Variants in TCOF1 observed in about 807,000 individuals in gnomAD.
TCOF1 encodes the protein treacle protein.
TCOF1 carries 33 observed loss-of-function variants against 149.0 expected under a neutral mutation model. The ratio of observed to expected loss-of-function variants is 0.22; its 90% CI spans 0.17 to 0.30. The LOEUF (loss-of-function observed/expected upper bound fraction) is 0.30. TCOF1 is among the 10% of genes least tolerant of loss of function. The pLI is 1.00. For missense variants in TCOF1, 1,728 were observed against 1,840.7 expected, an observed-to-expected ratio of 0.94 and a Z score of 1.12; for synonymous variants, 789 against 738.8, an observed-to-expected ratio of 1.07 and a Z score of -1.10.
intron 17 of TCOF1, 76 bp downstream of exon 17, chr5:150,379,808 AC>A: frequency 5.2e-6 from 8 of 1,544,298 alleles, no homozygotes; most frequent in Non-Finnish European, 7.0e-6. Context: ...GTGGTGGCTC[AC>A]ACCTGTAATC....
chr5:150,398,876 T>A, intron 25 of TCOF1, 146 bp from the exon 26 acceptor site: 1 of 1,133,104 alleles, frequency 8.8e-7, no homozygotes, highest in Non-Finnish European at 1.3e-6. Context: ...TTAGGAGAGC[T>A]GAACATCTGT....
intron 1 of TCOF1, among the ~76,000 whole-genome samples, chr5:150,359,986 C>T (rs1017319059): frequency 3.3e-5 from 5 of 152,070 alleles, no homozygotes; most frequent in African/African-American, 1.2e-4. Flanking sequence ...ACATTCCAGA[C>T]AAGAAGAATA....
intron 17 of TCOF1, among the ~76,000 whole-genome samples, chr5:150,385,381 G>C (rs1341329620): frequency 2.0e-5 from 3 of 152,210 alleles, no homozygotes; most frequent in Non-Finnish European, 4.4e-5. Flanking sequence ...CAGTTTGCTG[G>C]TTGCCCTGGG....
rs113341923 is a variant in TCOF1, at chr5:150,368,537, T to G, written c.379-179T>G. On this transcript the variant is annotated intron_variant, in intron 4 of 26. Coordinates refer to ENST00000643257, the MANE Select transcript of TCOF1 (RefSeq NM_001371623.1). ...ACTGGGATTCTGTTTTCTCAACACCTCTGGTGAGAGGAGGTGCTGTTTTTA... is the reference window on the plus strand; with the variant it reads ...ACTGGGATTCTGTTTTCTCAACACCGCTGGTGAGAGGAGGTGCTGTTTTTA... 1,175 of 667,496 alleles carry G rather than the reference T, an allele frequency of 1.8e-3. 9 individuals carry two copies. The highest frequency in any genetic ancestry group is 0.014 in the African/African-American group (767 of 55,698). The allele number at this position is 667,496 out of a possible 1,614,324, so 41.3% of individuals were successfully genotyped here.
chr5:150,364,470 G>C (rs1488884728), intron 3 of TCOF1, among the ~76,000 whole-genome samples: 1 of 152,212 alleles, frequency 6.6e-6, no homozygotes, highest in African/African-American at 2.4e-5. Flanking sequence ...AAAACAACCA[G>C]ATGGGCCCTT....
chr5:150,362,219 C>A (rs1760273460), intron 2 of TCOF1, among the ~76,000 whole-genome samples: 1 of 152,144 alleles, frequency 6.6e-6, no homozygotes, highest in South Asian at 2.1e-4. Flanking sequence ...GTGTGAGATG[C>A]CTTTTAAACA....
intron 2 of TCOF1, among the ~76,000 whole-genome samples, chr5:150,363,444 G>A (rs1760629254): frequency 6.6e-6 from 1 of 152,200 alleles, no homozygotes. Context: ...AGCCATCTGG[G>A]TGCTTATCCT....
Position 150,396,853 on chromosome 5 carries a change from G to C in TCOF1, c.4345+11G>C, listed in dbSNP as rs370407398. 2.7e-5 allele frequency: 43 copies of C among 1,581,098 alleles called. 1 individual carries two copies. The South Asian group carries it at 4.3e-4, about 16-fold the overall frequency. On this transcript the variant is annotated intron_variant, in intron 24 of 26. Coordinates refer to ENST00000643257, the MANE Select transcript of TCOF1 (RefSeq NM_001371623.1). ...AGAAATCCGACAAGAGTGAGTGACC[G>C]CTTCTCCCAGCCCACCCCAAGGGCT...
intron 17 of TCOF1, among the ~76,000 whole-genome samples, chr5:150,381,184 G>A (rs932053482): frequency 6.6e-6 from 1 of 152,144 alleles, no homozygotes; most frequent in African/African-American, 2.4e-5. Flanking sequence ...ATTTCTTAAG[G>A]GAAGCTGGAA....
rs1184014183 is a variant in TCOF1 at position 150,392,155 on chromosome 5, G to C, written c.3496G>C (p.Ala1166Pro). ...GGAAGATGGTGAAGGGCCCCAGGGG[G>C]CCAAGTCAGCCCACACGCTGGGTGA... ...SEEDGEGPQG[A>P]KSAHTLVGPT... Residue 1166 changes from alanine to proline, a missense_variant, in exon 21 of 27, where the codon GCC (alanine) becomes CCC (proline). Physicochemically the swap from Ala to Pro is conservative, Grantham distance 27. Coordinates refer to ENST00000643257, the MANE Select transcript of TCOF1 (RefSeq NM_001371623.1). 6.2e-7 allele frequency: 1 copy of C among 1,614,142 alleles called. No homozygotes were observed. Among genetic ancestry groups the C allele is most frequent in the Admixed American group, 1.7e-5 (1 of 60,034 alleles).
chr5:150,374,014 C>T (rs1423152373), intron 7 of TCOF1, among the ~76,000 whole-genome samples, 160 bp from the exon 8 acceptor site: 1 of 152,058 alleles, frequency 6.6e-6, no homozygotes, highest in Non-Finnish European at 1.5e-5. Flanking sequence ...TTTGAGAAAC[C>T]AGGAGGCCAG....
At chr5:150,369,023 G>A (rs528476444) in intron 5 of TCOF1, 121 bp downstream of exon 5, 1 of 1,305,030 alleles carries the variant, frequency 7.7e-7, no homozygotes, top group Admixed American at 1.9e-5. Context: ...AGGACAGCCA[G>A]GTTCCTGCAT....
At chr5:150,383,725 G>C in intron 17 of TCOF1, 2 of 1,551,758 alleles carry the variant, frequency 1.3e-6, no homozygotes, top group Non-Finnish European at 1.7e-6. Flanking sequence ...GTATCTCTCT[G>C]TTTTCTGTTT....
At chr5:150,368,020 C>T (rs1381173794) in intron 4 of TCOF1, 103 bp downstream of exon 4, 1 of 1,285,682 alleles carries the variant, frequency 7.8e-7, no homozygotes, top group African/African-American at 1.5e-5. Context: ...GTAATTGCCC[C>T]ACCTGGATTC....
chr5:150,368,075 C>A, intron 4 of TCOF1, 158 bp downstream of exon 4: 1 of 703,792 alleles, frequency 1.4e-6, no homozygotes. Context: ...AGTCCCTTCA[C>A]CTCTCTGGGC....
At chr5:150,393,170 T>C (rs1767781404) in intron 22 of TCOF1, 1 of 633,236 alleles carries the variant, frequency 1.6e-6, no homozygotes, top group East Asian at 2.8e-5. Flanking sequence ...GTCTAGAAAG[T>C]GTATTAATTA....
intron 23 of TCOF1, 69 bp downstream of exon 23, chr5:150,393,621 C>G (rs1399699114): frequency 1.3e-6 from 2 of 1,596,012 alleles, no homozygotes; most frequent in African/African-American, 1.3e-5. Context: ...CCTTCTTGCC[C>G]TCCTGTAGCA....
In TCOF1 at chr5:150,372,137, G is replaced by A; in HGVS notation, c.771G>A (p.Leu257=). 1 of 1,614,214 alleles carries A rather than the reference G, an allele frequency of 6.2e-7. No homozygotes were observed. Among genetic ancestry groups the A allele is most frequent in the East Asian group, 2.2e-5 (1 of 44,876 alleles). The change falls in exon 7 of 27, where the codon CTG becomes CTA. Residue 257 remains leucine (L), a synonymous_variant. Coordinates refer to ENST00000643257, the MANE Select transcript of TCOF1 (RefSeq NM_001371623.1). ...CACCCCAGGTCAAAGGAGGGGCCCTGCCCCCAGCCAAGAGGGCCAAGAAGC... is the reference window on the plus strand; with the variant it reads ...CACCCCAGGTCAAAGGAGGGGCCCTACCCCCAGCCAAGAGGGCCAAGAAGC... The part of the protein sequence containing the change: ...DVTPQVKGGA[L]PPAKRAKKPE...
At chr5:150,384,891 A>G in intron 17 of TCOF1, 2 of 985,392 alleles carry the variant, frequency 2.0e-6, no homozygotes, top group Non-Finnish European at 2.4e-6. Flanking sequence ...TTAGCCCATC[A>G]GTGGGGAAAG....
Sources: allele counts gnomAD v4.1 joint callset (sites outside exome capture counted in the v4.1 genomes callset), GRCh38; gene constraint gnomAD v4.1.1; transcripts MANE v1.5; gene names NCBI Gene and HGNC (gene_info 2026-07-23, HGNC 2026-07-21).